The following PXMP4 variants were observed in gnomAD, a reference collection of about 807,000 sequenced individuals.
PXMP4 encodes 24 kDa peroxisomal intrinsic membrane protein.
PXMP4 carries 16 observed loss-of-function variants against 21.6 expected under a neutral mutation model. The observed-to-expected ratio is 0.74, with a 90% CI of 0.50 to 1.13. The LOEUF is 1.13. PXMP4 is among the 50% of genes most tolerant of loss of function. PXMP4 has a pLI of 0.00. For synonymous variants in PXMP4, 127 were observed against 123.8 expected (o/e 1.03, Z -0.17); for missense variants, 240 against 277.7 (o/e 0.86, Z 0.96).
chr20:33,716,146 G>A (rs1329289214), intron 1 of PXMP4, among the ~76,000 whole-genome samples: 1 of 152,070 alleles, frequency 6.6e-6, no homozygotes, highest in Non-Finnish European at 1.5e-5. Context: ...GCCTGTCCTA[G>A]CCAGTCTCAT....
chr20:33,714,673 C>T lies in PXMP4; in HGVS notation c.176+1G>A. On this transcript the variant is annotated splice_donor_variant, in intron 2 of 3. Transcript: ENST00000409299. LOFTEE classifies it high-confidence loss of function. ...TCTCTCCCAGTTTGAGGGATGTGTA[C>T]CTGCCATTCCGGAAGAGAAAGGTCA... 6.2e-7 allele frequency: 1 copy of T among 1,613,854 alleles called. No homozygotes were observed. The highest frequency in any genetic ancestry group is 8.5e-7 in the Non-Finnish European group (1 of 1,179,772).
rs1276515655 is a variant in PXMP4, at chr20:33,703,442, G to C, written c.*4264C>G. 1.3e-5 allele frequency: 2 copies of C among 152,254 alleles called. No individual in the cohort carries two copies. The highest frequency in any genetic ancestry group is 2.9e-5 in the Non-Finnish European group (2 of 68,042). 9.4% of individuals were successfully genotyped at this position (152,254 alleles called of 1,614,324 possible). ...CAAGGAAACTGTGGGGCCAGGGCTT[G>C]AGCCCAGGCACTCTGGCTCCAAAGC... On this transcript the variant is annotated 3_prime_UTR_variant, in exon 4 of 4. Coordinates refer to ENST00000409299, the MANE Select transcript of PXMP4 (RefSeq NM_007238.5).
rs540971241 is a variant in PXMP4 at position 33,711,886 on chromosome 20, G to C, written c.177-1133C>G. Among the ~76,000 whole-genome samples, 55 of 151,990 alleles carry C rather than the reference G, an allele frequency of 3.6e-4. No homozygotes were observed. The South Asian group carries it at 0.011, about 30-fold the overall frequency. On this transcript the variant is annotated intron_variant, in intron 2 of 3. Coordinates refer to ENST00000409299, the MANE Select transcript of PXMP4 (RefSeq NM_007238.5). ...CACACGCGTGTAGTTCCTGCTACTT[G>C]GGAGGCTGAAGGAGGAGGTTTGCTT... is the stretch of plus-strand genomic sequence containing the variant.
At chr20:33,715,641 G>C (rs1359156882) in intron 1 of PXMP4, among the ~76,000 whole-genome samples, 1 of 151,744 alleles carries the variant, frequency 6.6e-6, no homozygotes, top group Non-Finnish European at 1.5e-5. Flanking sequence ...TGGCCAGGCT[G>C]GTCTCAAACT....
rs2018232208 is a variant in PXMP4, at chr20:33,703,963, C to G, written c.*3743G>C. 6.6e-6 allele frequency: 1 copy of G among 152,280 alleles called. No individual in the cohort carries two copies. The highest frequency in any genetic ancestry group is 2.4e-5 in the African/African-American group (1 of 41,414). 9.4% of individuals were successfully genotyped at this position (152,280 alleles called of 1,614,324 possible). ...GCACCCCCACCATCTGCTATAAAAC[C>G]TGCCTGGTGATGGCCCAAGCCCTCT... is the stretch of plus-strand genomic sequence containing the variant. On this transcript the variant is annotated 3_prime_UTR_variant, in exon 4 of 4. Coordinates refer to ENST00000409299, the MANE Select transcript of PXMP4 (RefSeq NM_007238.5).
chr20:33,720,256 C>T lies in PXMP4; in HGVS notation c.-49G>A. On this transcript the variant is annotated 5_prime_UTR_variant, in exon 1 of 4. Transcript: ENST00000409299. ...GGGTTAGGAACTGTAAGCGCACTGA[C>T]AGCCGGAGGTTCCAGCTGCGCGCCC... 6.6e-7 allele frequency: 1 copy of T among 1,523,358 alleles called. No individual in the cohort carries two copies. Among genetic ancestry groups the T allele is most frequent in the African/African-American group, 1.4e-5 (1 of 72,836 alleles). 94.4% of individuals were successfully genotyped at this position (1,523,358 alleles called of 1,614,324 possible).
At chr20:33,719,986 G>T (rs1367712651) in intron 1 of PXMP4, 109 bp downstream of exon 1, 3 of 1,059,230 alleles carry the variant, frequency 2.8e-6, no homozygotes, top group African/African-American at 3.2e-5. Flanking sequence ...AGAGACACAC[G>T]AGGACTGCTC....
At chr20:33,716,107 G>C (rs1037580023) in intron 1 of PXMP4, among the ~76,000 whole-genome samples, 1 of 152,080 alleles carries the variant, frequency 6.6e-6, no homozygotes, top group Non-Finnish European at 1.5e-5. Context: ...GCCTCCCAAA[G>C]TGCTGGGATT....
chr20:33,713,298 A>AG (rs2018350845), intron 2 of PXMP4, among the ~76,000 whole-genome samples: 1 of 151,804 alleles, frequency 6.6e-6, no homozygotes, highest in Non-Finnish European at 1.5e-5. Flanking sequence ...ATCCTATCTC[A>AG]AGGTCTTTGC....
chr20:33,713,083 C>T (rs2018347869), intron 2 of PXMP4, among the ~76,000 whole-genome samples: 1 of 152,234 alleles, frequency 6.6e-6, no homozygotes, highest in Admixed American at 6.5e-5. Context: ...TCTTAACTCT[C>T]ACGCTGTTAA....
At chr20:33,716,092 C>G (rs2018381397) in intron 1 of PXMP4, among the ~76,000 whole-genome samples, 1 of 152,020 alleles carries the variant, frequency 6.6e-6, no homozygotes. Context: ...GATCCGCCCA[C>G]CTCGGCCTCC....
At chr20:33,720,012 C>G (rs1568923467) in intron 1 of PXMP4, 83 bp downstream of exon 1, 3 of 1,318,392 alleles carry the variant, frequency 2.3e-6, no homozygotes, top group East Asian at 4.7e-5. Context: ...CAAACAGCAC[C>G]GCGGCATCGG....
rs912653464 is a variant in PXMP4, at chr20:33,707,380, A to G, written c.*326T>C. ...ACATAAGAACAGTTGAAGAATGAAC[A>G]TACCCACCGGAAAGAGACCTCAGGG... On this transcript the variant is annotated 3_prime_UTR_variant, in exon 4 of 4. Transcript: ENST00000409299. 7.3e-6 allele frequency: 2 copies of G among 273,946 alleles called. No homozygotes were observed. Among genetic ancestry groups the G allele is most frequent in the Non-Finnish European group, 1.4e-5 (2 of 143,284 alleles). 17.0% of individuals were successfully genotyped at this position (273,946 alleles called of 1,614,324 possible).
In PXMP4 at chr20:33,702,847, T is replaced by C. The variant is rs1010826928; in HGVS notation, c.*4859A>G. On this transcript the variant is annotated 3_prime_UTR_variant, in exon 4 of 4. Coordinates refer to ENST00000409299, the MANE Select transcript of PXMP4 (RefSeq NM_007238.5). ...GTTTAGTAAGTAGAGGTTAAACCATTCTATTTCAGGAACTAGCATTTAGGA... is the reference window on the plus strand; with the variant it reads ...GTTTAGTAAGTAGAGGTTAAACCATCCTATTTCAGGAACTAGCATTTAGGA... The C allele has an allele frequency of 1.3e-5, 2 of 152,170 alleles. No individual in the cohort carries two copies. The highest frequency in any genetic ancestry group is 2.9e-5 in the Non-Finnish European group (2 of 68,032). 9.4% of individuals were successfully genotyped at this position (152,170 alleles called of 1,614,324 possible).
intron 2 of PXMP4, among the ~76,000 whole-genome samples, chr20:33,713,955 T>A (rs903764104): frequency 6.6e-6 from 1 of 151,588 alleles, no homozygotes; most frequent in Non-Finnish European, 1.5e-5. Context: ...GAGGAGGAAG[T>A]GATCCTCAGA....
rs538372965 is a variant in PXMP4 at position 33,707,333 on chromosome 20, C to T, written c.*373G>A. On this transcript the variant is annotated 3_prime_UTR_variant, in exon 4 of 4. Transcript: ENST00000409299. Reference sequence around the variant, plus strand: ...TAAAAAGTATTTACAACCCACTGCCCACCAGCAAGGAGCCCTCTGTGACAT... The same window carrying T: ...TAAAAAGTATTTACAACCCACTGCCTACCAGCAAGGAGCCCTCTGTGACAT... 1.0e-5 allele frequency: 2 copies of T among 191,502 alleles called. No homozygotes were observed. The highest frequency in any genetic ancestry group is 2.2e-5 in the Non-Finnish European group (2 of 92,756). 11.9% of individuals were successfully genotyped at this position (191,502 alleles called of 1,614,324 possible).
Position 33,719,207 on chromosome 20 carries a change from T to C in PXMP4, c.113+888A>G, listed in dbSNP as rs2018420276. 2.6e-5 allele frequency among the ~76,000 whole-genome samples: 4 copies of C among 152,220 alleles called. No homozygotes were observed. The South Asian group carries it at 8.3e-4, about 32-fold the overall frequency. On this transcript the variant is annotated intron_variant, in intron 1 of 3. Coordinates refer to ENST00000409299, the MANE Select transcript of PXMP4 (RefSeq NM_007238.5). ...CACCGTGGCCAGCCTGTGCTAAGCA[T>C]TTCACACATATTGACTCAATCCTGA... is the stretch of plus-strand genomic sequence containing the variant.
At chr20:33,710,369 A>G (rs2018312476) in intron 3 of PXMP4, among the ~76,000 whole-genome samples, 186 bp downstream of exon 3, 2 of 138,304 alleles carry the variant, frequency 1.4e-5, no homozygotes, top group African/African-American at 2.8e-5. Context: ...CTATACTGAA[A>G]CAAGCCCTCT....
chr20:33,709,252 G>A (rs1033273360), intron 3 of PXMP4, among the ~76,000 whole-genome samples: 17 of 152,138 alleles, frequency 1.1e-4, no homozygotes, highest in Non-Finnish European at 2.4e-4. Context: ...AGCCTAGATC[G>A]TGCCACTGCA....
Sources: gnomAD v4.1 joint callset for allele counts (sites outside exome capture counted in the v4.1 genomes callset) on GRCh38, gnomAD v4.1.1 for gene constraint, MANE v1.5 for transcripts, NCBI Gene and HGNC (gene_info 2026-07-23, HGNC 2026-07-21) for gene names.